The following CELF4 variants were observed in gnomAD, a reference collection of about 807,000 sequenced individuals.
The protein encoded by CELF4 is CUG-BP- and ETR-3-like factor 4.
Under a neutral mutation model 59.9 loss-of-function variants are expected in CELF4, and 18 were observed. The observed-to-expected ratio is 0.30, with a 90% CI of 0.21 to 0.45. The LOEUF (loss-of-function observed/expected upper bound fraction) is 0.45, where lower values mean the gene tolerates loss of function less well. Among genes scored for constraint, CELF4 ranks in the 20% least tolerant of loss-of-function variants. CELF4 has a pLI of 1.00. For missense variants in CELF4, 456 were observed against 689.0 expected (o/e 0.66, Z 3.79); for synonymous variants, 261 against 267.1 (o/e 0.98, Z 0.22).
chr18:37,557,886 G>T (rs1023077325), intron 1 of CELF4, among the ~76,000 whole-genome samples: 3 of 151,854 alleles, frequency 2.0e-5, no homozygotes, highest in African/African-American at 7.3e-5. Context: ...TGAAATCCTC[G>T]ATCAGCTCAT....
At chr18:37,535,979 C>A (rs368828423) in intron 1 of CELF4, among the ~76,000 whole-genome samples, 1 of 152,176 alleles carries the variant, frequency 6.6e-6, no homozygotes, top group Non-Finnish European at 1.5e-5. Context: ...TCCCTCCCCA[C>A]GCCCCTGCAC....
chr18:37,303,921 G>T (rs1452403172), intron 3 of CELF4, among the ~76,000 whole-genome samples: 1 of 152,208 alleles, frequency 6.6e-6, no homozygotes, highest in African/African-American at 2.4e-5. Flanking sequence ...CAAGTCCCTG[G>T]GGGTAGCATC....
intron 1 of CELF4, among the ~76,000 whole-genome samples, chr18:37,489,840 G>C (rs1269737533): frequency 6.6e-6 from 1 of 152,186 alleles, no homozygotes; most frequent in Non-Finnish European, 1.5e-5. Flanking sequence ...GGTCTGTGGA[G>C]GGTGCCTCAT....
At chr18:37,326,255 G>A (rs1211432114) in intron 2 of CELF4, among the ~76,000 whole-genome samples, 4 of 152,188 alleles carry the variant, frequency 2.6e-5, no homozygotes, top group Non-Finnish European at 5.9e-5. Flanking sequence ...GAGGAGGGAA[G>A]AGCCAGGAGT....
At chr18:37,280,628 G>A (rs992914764) in intron 3 of CELF4, among the ~76,000 whole-genome samples, 1 of 152,214 alleles carries the variant, frequency 6.6e-6, no homozygotes, top group Non-Finnish European at 1.5e-5. Context: ...GTTATGAAGT[G>A]CATGGGACAT....
At chr18:37,480,493 C>T (rs1337802659) in intron 2 of CELF4, among the ~76,000 whole-genome samples, 1 of 152,226 alleles carries the variant, frequency 6.6e-6, no homozygotes, top group Non-Finnish European at 1.5e-5. Flanking sequence ...TCTCTGGGGA[C>T]CCCTGTCTTG....
chr18:37,384,466 G>C (rs374332401), intron 2 of CELF4, among the ~76,000 whole-genome samples: 8 of 152,084 alleles, frequency 5.3e-5, no homozygotes, highest in African/African-American at 1.9e-4. Context: ...GGCTTGTCCA[G>C]ACAGGGGCGG....
At chr18:37,267,180 C>T (rs1355197812) in intron 8 of CELF4, among the ~76,000 whole-genome samples, 1 of 152,236 alleles carries the variant, frequency 6.6e-6, no homozygotes, top group Non-Finnish European at 1.5e-5. Flanking sequence ...ACCAGCTACG[C>T]AAATAGGGTC....
chr18:37,504,699 G>A (rs1167788234), intron 1 of CELF4, among the ~76,000 whole-genome samples: 3 of 152,086 alleles, frequency 2.0e-5, no homozygotes, highest in Non-Finnish European at 4.4e-5. Flanking sequence ...GCACTGCCTC[G>A]GGCGAGGGGC....
rs1268761565 is a variant in CELF4 at position 37,246,865 on chromosome 18, GT to G, written c.*45-1669del. On this transcript the variant is annotated intron_variant, in intron 12 of 12. Coordinates refer to ENST00000420428, the MANE Select transcript of CELF4 (RefSeq NM_020180.4). The surrounding 1 kb of genome is among the most constrained non-coding windows in gnomAD (Gnocchi z 5.3). ...TGACTATTTTTTGTTCTTTTGTTTT[GT>G]TTTTTTCTCTATGTGACATCTAGAG... is the stretch of plus-strand genomic sequence containing the variant. The G allele has an allele frequency of 6.6e-6, 1 of 151,678 alleles. No individual in the cohort carries two copies. Among genetic ancestry groups the G allele is most frequent in the Non-Finnish European group, 1.5e-5 (1 of 67,920 alleles). 9.4% of individuals were successfully genotyped at this position (151,678 alleles called of 1,614,324 possible).
intron 2 of CELF4, among the ~76,000 whole-genome samples, chr18:37,379,507 CAAA>C (rs56250210): frequency 2.2e-5 from 1 of 45,710 alleles, no homozygotes; most frequent in South Asian, 1.5e-3. Context: ...AGGCCATAAG[CAAA>C]AAAAAAAAAA....
chr18:37,427,077 A>G (rs1177374347), intron 2 of CELF4, among the ~76,000 whole-genome samples: 2 of 150,600 alleles, frequency 1.3e-5, no homozygotes, highest in Admixed American at 1.3e-4. Context: ...GAAGCCCACC[A>G]TGGCAGCAGC....
chr18:37,284,810 A>G (rs2094570221), intron 3 of CELF4, among the ~76,000 whole-genome samples: 1 of 152,202 alleles, frequency 6.6e-6, no homozygotes, highest in Admixed American at 6.5e-5. Context: ...GTATTTGATT[A>G]TTTCCACTGT....
intron 1 of CELF4, among the ~76,000 whole-genome samples, chr18:37,492,099 G>A (rs567768152): frequency 4.6e-5 from 7 of 152,302 alleles, no homozygotes; most frequent in Non-Finnish European, 7.4e-5. Context: ...CCAGAGGAAG[G>A]TGGCCCTAGA....
chr18:37,390,695 G>A (rs1418681909), intron 2 of CELF4, among the ~76,000 whole-genome samples: 1 of 151,378 alleles, frequency 6.6e-6, no homozygotes, highest in Non-Finnish European at 1.5e-5. Context: ...TGAATGGGTG[G>A]ATGATTAAAG....
intron 3 of CELF4, among the ~76,000 whole-genome samples, chr18:37,294,948 C>T (rs749578698): frequency 1.3e-4 from 20 of 152,134 alleles, no homozygotes; most frequent in South Asian, 4.2e-4. Context: ...CTCTGTTTTC[C>T]GCTAGTTTAT....
chr18:37,295,900 C>T (rs2095613066), intron 3 of CELF4, among the ~76,000 whole-genome samples: 1 of 152,218 alleles, frequency 6.6e-6, no homozygotes, highest in South Asian at 2.1e-4. Context: ...CCAATGGTGT[C>T]ACTTGTGTGG....
intron 2 of CELF4, among the ~76,000 whole-genome samples, chr18:37,437,628 A>G (rs1391616235): frequency 6.6e-6 from 1 of 152,144 alleles, no homozygotes; most frequent in African/African-American, 2.4e-5. Flanking sequence ...TGTGATGCAC[A>G]CTTCTTCCCC....
intron 2 of CELF4, among the ~76,000 whole-genome samples, chr18:37,436,104 G>A (rs545925515): frequency 7.2e-5 from 11 of 152,322 alleles, no homozygotes; most frequent in African/African-American, 2.6e-4. Context: ...TTCTCGGGCA[G>A]GCTGGCTCAG....
Sources: allele counts gnomAD v4.1 joint callset (sites outside exome capture counted in the v4.1 genomes callset), GRCh38; gene constraint gnomAD v4.1.1; non-coding constraint Gnocchi (gnomAD v3.1); transcripts MANE v1.5; gene names NCBI Gene and HGNC (gene_info 2026-07-23, HGNC 2026-07-21).